The following FBXW8 variants were observed in gnomAD, a reference collection of about 807,000 sequenced individuals.
FBXW8 encodes the protein F-box/WD repeat-containing protein 8.
In FBXW8, 57 loss-of-function variants were observed where a neutral mutation model predicts 65.3. The observed-to-expected ratio is 0.87, with a 90% CI of 0.71 to 1.09. The LOEUF (loss-of-function observed/expected upper bound fraction) is 1.09. Ranked by LOEUF, FBXW8 falls within the 50% of genes least tolerant of loss-of-function variation. The pLI is 0.00. For synonymous variants in FBXW8, 308 were observed against 330.2 expected, an observed-to-expected ratio of 0.93 and a Z score of 0.73; for missense variants, 777 against 814.8, an observed-to-expected ratio of 0.95 and a Z score of 0.57.
chr12:116,981,002 C>T (rs116241012), intron 5 of FBXW8, among the ~76,000 whole-genome samples: 124 of 152,206 alleles, frequency 8.1e-4, no homozygotes, highest in African/African-American at 2.9e-3. Flanking sequence ...TGTGATATCC[C>T]CAGTCCCTAG....
At chr12:116,947,550 G>T (rs1883010833) in intron 3 of FBXW8, among the ~76,000 whole-genome samples, 1 of 151,740 alleles carries the variant, frequency 6.6e-6, no homozygotes, top group Non-Finnish European at 1.5e-5. Flanking sequence ...GAGTTCCATG[G>T]CCAATATGGT....
Position 117,028,045 on chromosome 12 carries a change from G to A in FBXW8, c.1670G>A (p.Arg557His), listed in dbSNP as rs368052577. ...CTTTCTAGACACCGGGGGCTGATCC[G>A]CGCCTATGAGTTTGCGGTGGACCAG... is the stretch of plus-strand genomic sequence containing the variant. ...TTHRRHRGLIRAYEFAVDQLA... is the reference protein window; with the variant it reads ...TTHRRHRGLIHAYEFAVDQLA... The change falls in exon 11 of 11, where the codon CGC (arginine) becomes CAC (histidine). Residue 557 changes from arginine to histidine, a missense_variant. Arg to His is a conservative substitution (Grantham distance 29). Transcript: ENST00000652555. This position sits in a 1 kb window ranked among gnomAD's most constrained non-coding sequence, Gnocchi z 4.1. 63 of 1,614,050 alleles carry A rather than the reference G, an allele frequency of 3.9e-5. No individual in the cohort carries two copies. Among genetic ancestry groups the A allele is most frequent in the East Asian group, 3.3e-4 (15 of 44,874 alleles).
intron 1 of FBXW8, among the ~76,000 whole-genome samples, chr12:116,923,713 A>T (rs1035879738): frequency 3.9e-4 from 56 of 144,932 alleles, no homozygotes; most frequent in Admixed American, 6.2e-4. Context: ...TTAATTAATT[A>T]ATTAATTTAT....
At chr12:116,955,047 G>T (rs1370535732) in intron 4 of FBXW8, among the ~76,000 whole-genome samples, 1 of 149,994 alleles carries the variant, frequency 6.7e-6, no homozygotes. Context: ...GGGGGGGGGG[G>T]GCCCTGTATT....
At chr12:116,991,592 G>A (rs551997020) in intron 7 of FBXW8, among the ~76,000 whole-genome samples, 1 of 152,346 alleles carries the variant, frequency 6.6e-6, no homozygotes, top group South Asian at 2.1e-4. Context: ...GCTGGTGTGA[G>A]ACTATTAGCA....
In FBXW8 at chr12:116,961,427, A is replaced by G. The variant is rs1325916647; in HGVS notation, c.678-3270A>G. The stretch of plus-strand genomic sequence containing the variant: ...GGCAGAGAATCAGAGTTCAGAGGCA[A>G]GAGCATTTGGGATCCTCTCTGGAAG... On this transcript the variant is annotated intron_variant, in intron 4 of 10. Transcript: ENST00000652555. This position sits in a 1 kb window ranked among gnomAD's most constrained non-coding sequence, Gnocchi z 4.4. Among the ~76,000 whole-genome samples, 2 of 152,192 alleles carry G rather than the reference A, an allele frequency of 1.3e-5. No homozygotes were observed. Among genetic ancestry groups the G allele is most frequent in the African/African-American group, 4.8e-5 (2 of 41,450 alleles).
In FBXW8 at chr12:117,028,798, A is replaced by G. The variant is rs1291562807; in HGVS notation, c.*626A>G. On this transcript the variant is annotated 3_prime_UTR_variant, in exon 11 of 11. Coordinates refer to ENST00000652555, the MANE Select transcript of FBXW8 (RefSeq NM_153348.3). The surrounding 1 kb of genome is among the most constrained non-coding windows in gnomAD (Gnocchi z 4.1). Reference sequence around the variant, plus strand: ...TTTTGCTTACTATTGTGTCTATGATATGTGATACAAAGCAAATATTTTCTA... The same window carrying G: ...TTTTGCTTACTATTGTGTCTATGATGTGTGATACAAAGCAAATATTTTCTA... 6.5e-6 allele frequency: 1 copy of G among 152,748 alleles called. No homozygotes were observed. Among genetic ancestry groups the G allele is most frequent in the Non-Finnish European group, 1.5e-5 (1 of 68,458 alleles). 9.5% of individuals were successfully genotyped at this position (152,748 alleles called of 1,614,324 possible). A position where few individuals can be genotyped will look rare whatever the true frequency, so the allele number is the denominator to read the frequency against.
chr12:116,931,958 T>C (rs899233017), intron 2 of FBXW8, among the ~76,000 whole-genome samples: 1 of 152,204 alleles, frequency 6.6e-6, no homozygotes, highest in Non-Finnish European at 1.5e-5. Flanking sequence ...TTTTACTAAG[T>C]ATGACTTTAG....
At chr12:116,949,769 C>A in intron 4 of FBXW8, 63 bp downstream of exon 4, 1 of 1,439,420 alleles carries the variant, frequency 6.9e-7, no homozygotes, top group East Asian at 2.3e-5. Context: ...TCTCATACCA[C>A]CCTCTGAGTA....
At chr12:117,024,819 T>A (rs925867028) in intron 9 of FBXW8, among the ~76,000 whole-genome samples, 1 of 152,232 alleles carries the variant, frequency 6.6e-6, no homozygotes, top group South Asian at 2.1e-4. Flanking sequence ...TAGACTTTCC[T>A]CATGCTGTTT....
At chr12:116,967,174 T>TA (rs1884380188) in intron 5 of FBXW8, among the ~76,000 whole-genome samples, 1 of 151,726 alleles carries the variant, frequency 6.6e-6, no homozygotes, top group Non-Finnish European at 1.5e-5. Context: ...TTTTTTTTTT[T>TA]AATAACCTAA....
chr12:116,949,842 G>T (rs183809803), intron 4 of FBXW8, 136 bp downstream of exon 4: 2 of 803,354 alleles, frequency 2.5e-6, no homozygotes, highest in Admixed American at 3.9e-5. Context: ...TGTGGAAGAG[G>T]GAGAGTCTCC....
chr12:116,958,145 A>G (rs1008281650), intron 4 of FBXW8, among the ~76,000 whole-genome samples: 6 of 152,198 alleles, frequency 3.9e-5, no homozygotes, highest in Non-Finnish European at 8.8e-5. Context: ...TTATTTTTCA[A>G]TTGATGCGTC....
intron 2 of FBXW8, among the ~76,000 whole-genome samples, chr12:116,942,475 A>G (rs1053967035): frequency 4.0e-5 from 6 of 151,126 alleles, no homozygotes; most frequent in African/African-American, 7.3e-5. Context: ...CCTGGGTTCA[A>G]GTGATTCTCC....
chr12:116,949,937 AAT>A, intron 4 of FBXW8: 1 of 496,974 alleles, frequency 2.0e-6, no homozygotes, highest in Non-Finnish European at 3.6e-6. Flanking sequence ...CATTTGTCTC[AAT>A]ATGTCTTTCC....
chr12:116,984,564 A>G (rs1477694552), intron 5 of FBXW8, among the ~76,000 whole-genome samples: 1 of 152,218 alleles, frequency 6.6e-6, no homozygotes, highest in Non-Finnish European at 1.5e-5. Flanking sequence ...CCCTAATCCA[A>G]AATTCCAAAA....
intron 8 of FBXW8, among the ~76,000 whole-genome samples, chr12:117,023,503 C>T (rs1229763243): frequency 6.6e-6 from 1 of 151,914 alleles, no homozygotes; most frequent in Non-Finnish European, 1.5e-5. Flanking sequence ...TGAAAAATTC[C>T]ACATACATAA....
intron 1 of FBXW8, among the ~76,000 whole-genome samples, chr12:116,922,620 AC>A (rs1880990263): frequency 6.6e-6 from 1 of 152,236 alleles, no homozygotes; most frequent in Admixed American, 6.5e-5. Context: ...ACAGTAAGGC[AC>A]AAAACCAATC....
chr12:116,973,906 T>C (rs1029297420), intron 5 of FBXW8, among the ~76,000 whole-genome samples: 5 of 152,228 alleles, frequency 3.3e-5, no homozygotes, highest in African/African-American at 1.2e-4. Flanking sequence ...AAAGATGAAG[T>C]AACAGGAACT....
Sources: allele counts gnomAD v4.1 joint callset (sites outside exome capture counted in the v4.1 genomes callset), GRCh38; gene constraint gnomAD v4.1.1; non-coding constraint Gnocchi (gnomAD v3.1); transcripts MANE v1.5; gene names NCBI Gene and HGNC (gene_info 2026-07-23, HGNC 2026-07-21).